Variants in SGCD observed in about 807,000 individuals in gnomAD.
The protein encoded by SGCD is delta-sarcoglycan.
SGCD carries 18 observed loss-of-function variants against 36.6 expected under a neutral mutation model. The ratio of observed to expected loss-of-function variants is 0.49; its 90% CI spans 0.34 to 0.73. The LOEUF (loss-of-function observed/expected upper bound fraction) is 0.73, where lower values mean the gene tolerates loss of function less well. Among genes scored for constraint, SGCD ranks in the 30% least tolerant of loss-of-function variants. SGCD has a pLI of 0.01. For synonymous variants in SGCD, 133 were observed against 130.6 expected (o/e 1.02, Z -0.12); for missense variants, 387 against 346.7 (o/e 1.12, Z -0.92).
chr5:156,692,433 C>G (rs920943929), intron 7 of SGCD, among the ~76,000 whole-genome samples: 4 of 152,152 alleles, frequency 2.6e-5, no homozygotes, highest in African/African-American at 9.7e-5. Flanking sequence ...AGATTTTGCG[C>G]CAGCTGAAGA....
At chr5:156,202,905 G>C (rs1329040366) in intron 3 of SGCD, among the ~76,000 whole-genome samples, 1 of 151,988 alleles carries the variant, frequency 6.6e-6, no homozygotes, top group Non-Finnish European at 1.5e-5. Flanking sequence ...AAGGCTGATT[G>C]TAAAGGTTTT....
intron 1 of SGCD, among the ~76,000 whole-genome samples, chr5:155,960,091 T>C (rs765846362): frequency 6.6e-6 from 1 of 152,118 alleles, no homozygotes; most frequent in African/African-American, 2.4e-5. Flanking sequence ...CAGGGCATGA[T>C]ACAAAAGACA....
intron 3 of SGCD, among the ~76,000 whole-genome samples, chr5:156,239,753 T>C (rs551986943): frequency 6.6e-6 from 1 of 152,332 alleles, no homozygotes; most frequent in East Asian, 1.9e-4. Flanking sequence ...ACCTCAGTTT[T>C]CTTGCCTGTA....
chr5:156,263,045 A>G (rs975159387), intron 3 of SGCD, among the ~76,000 whole-genome samples: 2 of 151,982 alleles, frequency 1.3e-5, no homozygotes, highest in Non-Finnish European at 2.9e-5. Flanking sequence ...TGTGAATTGC[A>G]CTGCTATAAA....
chr5:155,812,206 A>T, the SGCD span, among the ~76,000 whole-genome samples: 1 of 152,198 alleles, frequency 6.6e-6, no homozygotes, highest in Non-Finnish European at 1.5e-5. Context: ...GCCCTATGTT[A>T]TACATATGGA....
intron 4 of SGCD, among the ~76,000 whole-genome samples, chr5:156,536,958 A>T (rs551688613): frequency 6.6e-6 from 1 of 152,218 alleles, no homozygotes; most frequent in Non-Finnish European, 1.5e-5. Flanking sequence ...GTAATGGAGG[A>T]TGAGGCAGTT....
At chr5:156,613,089 G>A (rs1335186223) in intron 6 of SGCD, among the ~76,000 whole-genome samples, 1 of 152,222 alleles carries the variant, frequency 6.6e-6, no homozygotes, top group Non-Finnish European at 1.5e-5. Flanking sequence ...TCTCTGTGGT[G>A]CTTTCCTGGG....
At chr5:155,874,836 C>G (rs1755733293) in intron 1 of SGCD, among the ~76,000 whole-genome samples, 1 of 152,122 alleles carries the variant, frequency 6.6e-6, no homozygotes, top group Non-Finnish European at 1.5e-5. Flanking sequence ...GCTACCACTG[C>G]TTTGGAAAAC....
chr5:156,011,473 G>A (rs1758859311), intron 1 of SGCD, among the ~76,000 whole-genome samples: 2 of 151,764 alleles, frequency 1.3e-5, no homozygotes, highest in Admixed American at 6.6e-5. Context: ...ATGAGTCTCG[G>A]TCTGTTGCCC....
chr5:156,509,576 A>G (rs1756846589), intron 4 of SGCD, among the ~76,000 whole-genome samples: 1 of 152,156 alleles, frequency 6.6e-6, no homozygotes, highest in African/African-American at 2.4e-5. Flanking sequence ...TGAGGTGGGG[A>G]CTATTGTTGC....
At chr5:156,335,602 C>A (rs1768306605) in intron 2 of SGCD, among the ~76,000 whole-genome samples, 1 of 152,152 alleles carries the variant, frequency 6.6e-6, no homozygotes, top group South Asian at 2.1e-4. Context: ...ATCTCATGTG[C>A]CTTCAACATT....
At chr5:155,868,123 C>T (rs1755556309), upstream of SGCD, among the ~76,000 whole-genome samples, 1 of 151,800 alleles carries the variant, frequency 6.6e-6, no homozygotes, top group Non-Finnish European at 1.5e-5. Context: ...GCGATCATGA[C>T]TCACTACAAC....
intron 3 of SGCD, among the ~76,000 whole-genome samples, chr5:156,173,085 A>G (rs1478282744): frequency 3.9e-5 from 6 of 152,156 alleles, no homozygotes; most frequent in Admixed American, 2.0e-4. Flanking sequence ...CCCATTAACT[A>G]TTTTAAAAAA....
intron 3 of SGCD, among the ~76,000 whole-genome samples, chr5:156,417,366 A>G (rs996900561): frequency 3.9e-5 from 6 of 152,302 alleles, no homozygotes; most frequent in African/African-American, 1.4e-4. Flanking sequence ...AAAATACTAT[A>G]TCGGTGTTTT....
At chr5:156,389,659 C>A (rs1021641540) in intron 3 of SGCD, among the ~76,000 whole-genome samples, 2 of 152,118 alleles carry the variant, frequency 1.3e-5, no homozygotes, top group African/African-American at 4.8e-5. Flanking sequence ...GCTCACTTGC[C>A]CCCTGCTCAC....
At chr5:156,610,895 G>A (rs1397906053) in intron 6 of SGCD, among the ~76,000 whole-genome samples, 6 of 152,362 alleles carry the variant, frequency 3.9e-5, no homozygotes, top group South Asian at 2.1e-4. Flanking sequence ...TTGGGAAAGC[G>A]CAGTATTAGG....
intron 3 of SGCD, among the ~76,000 whole-genome samples, chr5:156,437,650 G>A (rs190789965): frequency 3.9e-5 from 6 of 152,166 alleles, no homozygotes; most frequent in African/African-American, 9.6e-5. Flanking sequence ...ACAGAGTCCC[G>A]GTAACAGATG....
chr5:156,584,959 C>T (rs1760432905), intron 4 of SGCD, among the ~76,000 whole-genome samples: 1 of 152,080 alleles, frequency 6.6e-6, no homozygotes, highest in African/African-American at 2.4e-5. Flanking sequence ...TAATGGGTGC[C>T]AGGAATATGT....
chr5:156,149,762 G>T (rs1762790855), intron 3 of SGCD, among the ~76,000 whole-genome samples: 1 of 152,174 alleles, frequency 6.6e-6, no homozygotes, highest in Non-Finnish European at 1.5e-5. Context: ...GGCTGGCATG[G>T]CCTCCTTGTG....
Sources: allele counts gnomAD v4.1 joint callset (sites outside exome capture counted in the v4.1 genomes callset), GRCh38; gene constraint gnomAD v4.1.1; transcripts MANE v1.5; gene names NCBI Gene and HGNC (gene_info 2026-07-23, HGNC 2026-07-21).